LRIT3: variants seen among roughly 807,000 people sequenced by gnomAD.
LRIT3 encodes the protein leucine-rich repeat, immunoglobulin-like domain and transmembrane domain-containing protein 3.
In LRIT3, 14 loss-of-function variants were observed where a neutral mutation model predicts 22.6. The ratio of observed to expected loss-of-function variants is 0.62; its 90% CI spans 0.41 to 0.97. The LOEUF (loss-of-function observed/expected upper bound fraction) is 0.97. Among genes scored for constraint, LRIT3 ranks in the 50% least tolerant of loss-of-function variants. The pLI, the probability that LRIT3 is intolerant of heterozygous loss-of-function variation, is 0.00. For synonymous variants in LRIT3, 306 were observed against 304.5 expected (o/e 1.01, Z -0.05); for missense variants, 783 against 803.0 (o/e 0.98, Z 0.30).
In LRIT3 at chr4:109,870,776, A is replaced by G. The variant is rs1405127077; in HGVS notation, c.2027A>G (p.Glu676Gly). The G allele has an allele frequency of 6.3e-7, 1 of 1,598,140 alleles. No individual in the cohort carries two copies. Among genetic ancestry groups the G allele is most frequent in the Admixed American group, 1.7e-5 (1 of 58,496 alleles). The change falls in exon 4 of 4, where the codon GAG becomes GGG. Residue 676 changes from glutamate to glycine, a missense_variant. Glu to Gly is a moderately conservative substitution (Grantham distance 98). Coordinates refer to ENST00000594814, the MANE Select transcript of LRIT3 (RefSeq NM_198506.5). ...VTFKSEGSRP[E>G]YYC Reference sequence around the variant, plus strand: ...TTTAAAAGTGAAGGTTCCAGACCAGAGTATTATTGCTAAGGTTCTGCAGCT... The same window carrying G: ...TTTAAAAGTGAAGGTTCCAGACCAGGGTATTATTGCTAAGGTTCTGCAGCT...
At position 109,851,603 on chromosome 4, in the gene LRIT3, C is replaced by T. The variant is rs561168209; in HGVS notation, c.216C>T (p.Ile72=). 6.4e-7 allele frequency: 1 copy of T among 1,551,780 alleles called. No individual in the cohort carries two copies. Among genetic ancestry groups the T allele is most frequent in the East Asian group, 2.4e-5 (1 of 40,908 alleles). The part of the protein sequence containing the change: ...LRIEKTVIRR[I]SAEAFYYLVE... ...TAGAGAAGACTGTCATCCGCAGAAT[C>T]TCTGCGGAGGCCTTCTATTACCTGG... The change falls in exon 2 of 4, where the codon ATC becomes ATT. Residue 72 remains isoleucine (I), a synonymous_variant. Transcript: ENST00000594814.
In LRIT3 at chr4:109,850,411, C is replaced by CTCT. The variant is rs1734197626; in HGVS notation, c.117-1092_117-1091insCTT. On this transcript the variant is annotated intron_variant, in intron 1 of 3. Transcript: ENST00000594814. ...CCTTCCTTCCTTCCTTCCTTCCTTCCTTCCTTCCTTCCTTTCTTTCTTTCT... is the reference window on the plus strand; with the variant it reads ...CCTTCCTTCCTTCCTTCCTTCCTTCCTCTTTCCTTCCTTCCTTTCTTTCTTTCT... Among the ~76,000 whole-genome samples the CTCT allele has an allele frequency of 1.2e-3, 14 of 11,542 alleles. 1 individual carries two copies. Among genetic ancestry groups the CTCT allele is most frequent in the African/African-American group, 3.5e-3 (13 of 3,672 alleles). 7.6% of individuals were successfully genotyped at this position (11,542 alleles called of 152,430 possible).
At chr4:109,850,413 TCCTTC>T (rs1192173217) in intron 1 of LRIT3, among the ~76,000 whole-genome samples, 470 of 18,272 alleles carry the variant, frequency 0.026, 53 homozygotes, top group African/African-American at 0.036. Flanking sequence ...CTTCCTTCCT[TCCTTC>T]CTTCCTTTCT....
chr4:109,850,882 T>G (rs1734236753), intron 1 of LRIT3, among the ~76,000 whole-genome samples: 7 of 152,222 alleles, frequency 4.6e-5, no homozygotes, highest in Admixed American at 4.6e-4. Context: ...GGTTTATTCC[T>G]TAGGCAGAAA....
At chr4:109,859,008 T>C (rs897148872) in intron 2 of LRIT3, among the ~76,000 whole-genome samples, 7 of 152,262 alleles carry the variant, frequency 4.6e-5, no homozygotes, top group African/African-American at 1.2e-4. Flanking sequence ...CCAGATGAAA[T>C]TGGAAAAGGT....
rs1218802221 is a variant in LRIT3, at chr4:109,851,524, T to C, written c.137T>C (p.Met46Thr). The part of the protein sequence containing the change: ...SGSRLVLCND[M>T]DMNELPTNLP... ...ACTAGGTTGGTGCTATGTAATGACATGGATATGAACGAGCTGCCTACGAAC... is the reference window on the plus strand; with the variant it reads ...ACTAGGTTGGTGCTATGTAATGACACGGATATGAACGAGCTGCCTACGAAC... The change falls in exon 2 of 4, where the codon ATG becomes ACG. Residue 46 changes from methionine to threonine, a missense_variant. Coordinates refer to ENST00000594814, the MANE Select transcript of LRIT3 (RefSeq NM_198506.5). 11 of 1,545,142 alleles carry C rather than the reference T, an allele frequency of 7.1e-6. No individual in the cohort carries two copies. In the Middle Eastern group the frequency reaches 8.9e-4, roughly 126 times the overall value.
chr4:109,857,713 C>G (rs1734437166), intron 2 of LRIT3, among the ~76,000 whole-genome samples: 1 of 152,086 alleles, frequency 6.6e-6, no homozygotes, highest in African/African-American at 2.4e-5. Context: ...GCCTTGAGAG[C>G]AATCATTAGT....
chr4:109,870,430 C>T lies in LRIT3; in HGVS notation c.1681C>T (p.Pro561Ser). The T allele has an allele frequency of 3.1e-6, 5 of 1,614,112 alleles. No homozygotes were observed. The South Asian group carries it at 4.4e-5, about 14-fold the overall frequency. The part of the protein sequence containing the change: ...MACVCPKGVP[P>S]QKDQCITFST... ...CTGTGTCTGTCCAAAAGGAGTGCCT[C>T]CCCAGAAAGACCAATGCATCACCTT... Residue 561 changes from proline to serine, a missense_variant, in exon 4 of 4, where the codon CCC (proline) becomes TCC (serine). Physicochemically the swap from Pro to Ser is moderately conservative, Grantham distance 74 (BLOSUM62 -1). Around this residue, in one of 2 missense-constraint regions of LRIT3, gnomAD observed 756 missense variants for 753.8 expected, o/e 1.00. Transcript: ENST00000594814.
chr4:109,859,574 G>A (rs1262562873), intron 2 of LRIT3, among the ~76,000 whole-genome samples: 1 of 152,156 alleles, frequency 6.6e-6, no homozygotes, highest in East Asian at 1.9e-4. Context: ...TCAGAAGGAA[G>A]TATGCCCTAA....
At chr4:109,861,324 C>G (rs1220204261) in intron 2 of LRIT3, among the ~76,000 whole-genome samples, 3 of 148,194 alleles carry the variant, frequency 2.0e-5, no homozygotes, top group African/African-American at 7.6e-5. Flanking sequence ...CGTCACTGCA[C>G]TACATCCTGG....
At position 109,871,666 on chromosome 4, in the gene LRIT3, T is replaced by C. The variant is rs1734840558; in HGVS notation, c.*877T>C. ...ATCACGAGCCAAGCTGTTTGTCTTT[T>C]GCCATATTGTCTTTTGATTCTCTTG... On this transcript the variant is annotated 3_prime_UTR_variant, in exon 4 of 4. Coordinates refer to ENST00000594814, the MANE Select transcript of LRIT3 (RefSeq NM_198506.5). 1 of 152,200 alleles carries C rather than the reference T, an allele frequency of 6.6e-6. No individual in the cohort carries two copies. Among genetic ancestry groups the C allele is most frequent in the African/African-American group, 2.4e-5 (1 of 41,438 alleles). The allele number at this position is 152,200 out of a possible 1,614,324, so 9.4% of individuals were successfully genotyped here. A position where few individuals can be genotyped will look rare whatever the true frequency, so the allele number is the denominator to read the frequency against.
chr4:109,870,185 T>C lies in LRIT3; in HGVS notation c.1436T>C (p.Met479Thr). ...KEELALLDQT[M>T]LTETNAAIEN... ...GAGCTGGCATTGTTGGATCAAACAATGCTTACGGAGACAAATGCCGCAATA... is the reference window on the plus strand; with the variant it reads ...GAGCTGGCATTGTTGGATCAAACAACGCTTACGGAGACAAATGCCGCAATA... Residue 479 changes from methionine (M) to threonine (T), a missense_variant, in exon 4 of 4, where the codon ATG (methionine) becomes ACG (threonine). This residue lies in a region of LRIT3 where 756 missense variants were observed against 753.8 expected (regional missense o/e 1.00). Transcript: ENST00000594814. 6.2e-7 allele frequency: 1 copy of C among 1,614,222 alleles called. No individual in the cohort carries two copies. Among genetic ancestry groups the C allele is most frequent in the Non-Finnish European group, 8.5e-7 (1 of 1,180,030 alleles).
intron 2 of LRIT3, among the ~76,000 whole-genome samples, chr4:109,854,983 T>C (rs1218887117): frequency 2.0e-5 from 3 of 152,222 alleles, no homozygotes; most frequent in Non-Finnish European, 4.4e-5. Flanking sequence ...CAGTATTTTA[T>C]TGAGGATTTT....
In LRIT3 at chr4:109,850,937, ATGTACTGT is replaced by A. The variant is rs1734237841; in HGVS notation, c.117-566_117-559del. ...ATTAAAACAGAGTTCAACTTTAAAC[ATGTACTGT>A]GAACACTTTTTTTTTTCACCTAAAT... On this transcript the variant is annotated intron_variant, in intron 1 of 3. Coordinates refer to ENST00000594814, the MANE Select transcript of LRIT3 (RefSeq NM_198506.5). 4.0e-5 allele frequency among the ~76,000 whole-genome samples: 6 copies of A among 149,434 alleles called. No individual in the cohort carries two copies. In the South Asian group the frequency reaches 1.3e-3, roughly 32 times the overall value.
chr4:109,865,365 T>A, intron 2 of LRIT3: 9 of 1,411,570 alleles, frequency 6.4e-6, no homozygotes, highest in Non-Finnish European at 9.0e-6. Context: ...ATACGTACAA[T>A]AATGACTGAA....
In LRIT3 at chr4:109,867,738, G is replaced by A; in HGVS notation, c.687G>A (p.Leu229=). Residue 229 remains leucine (L), a synonymous_variant, in exon 3 of 4, where the codon CTG becomes CTA. Transcript: ENST00000594814. ...CTGCTATAGTGCTTCTGGATCCACT[G>A]ATGACTTGCAGTGAACCTGAGCGCC... is the stretch of plus-strand genomic sequence containing the variant. The part of the protein sequence containing the change: ...VDPAIVLLDP[L]MTCSEPERLT... 2 of 1,614,160 alleles carry A rather than the reference G, an allele frequency of 1.2e-6. No individual in the cohort carries two copies. The highest frequency in any genetic ancestry group is 1.7e-6 in the Non-Finnish European group (2 of 1,180,016).
chr4:109,857,282 G>C (rs906179065), intron 2 of LRIT3, among the ~76,000 whole-genome samples: 2 of 147,112 alleles, frequency 1.4e-5, no homozygotes, highest in African/African-American at 5.0e-5. Flanking sequence ...GGGGTGGGGG[G>C]AATAGGTTGT....
intron 1 of LRIT3, among the ~76,000 whole-genome samples, chr4:109,850,402 C>CTTTCT (rs1560588814): frequency 2.6e-3 from 2 of 766 alleles, no homozygotes; most frequent in African/African-American, 3.9e-3. Flanking sequence ...TTCCTTCCTT[C>CTTTCT]CTTCCTTCCT....
At chr4:109,856,470 A>C (rs1734404944) in intron 2 of LRIT3, among the ~76,000 whole-genome samples, 1 of 152,212 alleles carries the variant, frequency 6.6e-6, no homozygotes, top group South Asian at 2.1e-4. Flanking sequence ...GGTTGAGATT[A>C]GATAACCCCT....
Sources: gnomAD v4.1 joint callset for allele counts (sites outside exome capture counted in the v4.1 genomes callset) on GRCh38, gnomAD v4.1.1 for gene constraint, gnomAD v4.1.1 regional missense constraint, MANE v1.5 for transcripts, NCBI Gene and HGNC (gene_info 2026-07-23, HGNC 2026-07-21) for gene names.